CACNA2D3: variants seen among roughly 807,000 people sequenced by gnomAD.
CACNA2D3 encodes the protein calcium voltage-gated channel auxiliary subunit alpha2delta 3.
In CACNA2D3, 60 loss-of-function variants were observed where a neutral mutation model predicts 160.6. That is an observed-to-expected ratio of 0.37 (90% CI 0.30 to 0.46). CACNA2D3 has a LOEUF of 0.46. CACNA2D3 is among the 20% of genes least tolerant of loss of function. The probability of loss-of-function intolerance (pLI) is 1.00; values close to 1 mark genes in which losing one functional copy is unlikely to be tolerated. For missense variants in CACNA2D3, 1,205 were observed against 1,365.0 expected (o/e 0.88, Z 1.85); for synonymous variants, 558 against 492.9 (o/e 1.13, Z -1.75).
At chr3:54,599,206 C>T (rs1703018222) in intron 9 of CACNA2D3, among the ~76,000 whole-genome samples, 2 of 152,142 alleles carry the variant, frequency 1.3e-5, no homozygotes, top group South Asian at 2.1e-4. Flanking sequence ...CCTGACTTTC[C>T]ACAGCCTCAT....
Position 54,642,249 on chromosome 3 carries a change from G to C in CACNA2D3, c.1167+8G>C. 1 of 1,563,732 alleles carries C rather than the reference G, an allele frequency of 6.4e-7. No individual in the cohort carries two copies. Among genetic ancestry groups the C allele is most frequent in the Non-Finnish European group, 8.8e-7 (1 of 1,138,288 alleles). On this transcript the variant is annotated splice_region_variant and intron_variant, in intron 11 of 37. Coordinates refer to ENST00000474759, the MANE Select transcript of CACNA2D3 (RefSeq NM_018398.3). Reference sequence around the variant, plus strand: ...AATTGGCCAGATCGAAAGGTAAGTTGATGCTGATCCCGTCTGTGCGGTGGA... The same window carrying C: ...AATTGGCCAGATCGAAAGGTAAGTTCATGCTGATCCCGTCTGTGCGGTGGA...
Position 54,678,720 on chromosome 3 carries a change from C to CAAAAAAAAAAAAAAAAAA in CACNA2D3, c.1167+36491_1167+36508dup, listed in dbSNP as rs71096434. 3.5e-4 allele frequency among the ~76,000 whole-genome samples: 16 copies of CAAAAAAAAAAAAAAAAAA among 45,918 alleles called. 3 individuals carry two copies. Among genetic ancestry groups the CAAAAAAAAAAAAAAAAAA allele is most frequent in the Non-Finnish European group, 3.9e-4 (11 of 28,278 alleles). The allele number at this position is 45,918 out of a possible 152,430, so 30.1% of individuals were successfully genotyped here. A position where few individuals can be genotyped will look rare whatever the true frequency, so the allele number is the denominator to read the frequency against. Reference sequence around the variant, plus strand: ...TGGGTGACAGAGTGAGACTCGGTCTCAAAAAAAAAAAAAAAAAAAAAAAAA... The same window carrying CAAAAAAAAAAAAAAAAAA: ...TGGGTGACAGAGTGAGACTCGGTCTCAAAAAAAAAAAAAAAAAAAAAAAAAAAAAAAAAAAAAAAAAAA... On this transcript the variant is annotated intron_variant, in intron 11 of 37. Transcript: ENST00000474759.
At position 54,587,989 on chromosome 3, in the gene CACNA2D3, G is replaced by A. The variant is rs112283693; in HGVS notation, c.963+6112G>A. Reference sequence around the variant, plus strand: ...CCCCAGCTCATTTTATAAGGCTAGCGTTTCCCTGACAAACCAAAGACAGTG... The same window carrying A: ...CCCCAGCTCATTTTATAAGGCTAGCATTTCCCTGACAAACCAAAGACAGTG... On this transcript the variant is annotated intron_variant, in intron 9 of 37. Coordinates refer to ENST00000474759, the MANE Select transcript of CACNA2D3 (RefSeq NM_018398.3). Among the ~76,000 whole-genome samples, 179 of 152,276 alleles carry A rather than the reference G, an allele frequency of 1.2e-3. 1 individual carries two copies. Among genetic ancestry groups the A allele is most frequent in the African/African-American group, 3.6e-3 (151 of 41,566 alleles).
chr3:54,228,742 G>A (rs1214656498), intron 2 of CACNA2D3, among the ~76,000 whole-genome samples: 1 of 152,222 alleles, frequency 6.6e-6, no homozygotes, highest in Non-Finnish European at 1.5e-5. Context: ...AATAGCCTCA[G>A]TCTGAATTGG....
intron 35 of CACNA2D3, among the ~76,000 whole-genome samples, chr3:55,036,874 T>A (rs1344634856): frequency 6.6e-6 from 1 of 152,146 alleles, no homozygotes; most frequent in African/African-American, 2.4e-5. Context: ...TAGCAGTAGT[T>A]CCTAAACACA....
Position 54,274,215 on chromosome 3 carries a change from C to CATATATATATATAT in CACNA2D3, c.205-46225_205-46212dup, listed in dbSNP as rs148715563. On this transcript the variant is annotated intron_variant, in intron 2 of 37. Coordinates refer to ENST00000474759, the MANE Select transcript of CACNA2D3 (RefSeq NM_018398.3). ...CTACATTTGTAGAATGATTTCTATG[C>CATATATATATATAT]ATATATATATATATAAGAAATACGG... is the stretch of plus-strand genomic sequence containing the variant. Among the ~76,000 whole-genome samples the CATATATATATATAT allele has an allele frequency of 4.7e-3, 698 of 149,964 alleles. 5 individuals are homozygous for CATATATATATATAT. The highest frequency in any genetic ancestry group is 0.019 in the South Asian group (87 of 4,694).
At chr3:54,605,610 A>G (rs1350845523) in intron 9 of CACNA2D3, among the ~76,000 whole-genome samples, 1 of 152,016 alleles carries the variant, frequency 6.6e-6, no homozygotes, top group African/African-American at 2.4e-5. Flanking sequence ...ACGCTATTTT[A>G]CCTTAAATAT....
intron 13 of CACNA2D3, among the ~76,000 whole-genome samples, chr3:54,785,730 T>G (rs1702628008): frequency 6.6e-6 from 1 of 152,188 alleles, no homozygotes; most frequent in South Asian, 2.1e-4. Flanking sequence ...ACAGCCTTGG[T>G]TGGTACCAAA....
At chr3:54,771,685 C>G (rs1417959408) in intron 13 of CACNA2D3, among the ~76,000 whole-genome samples, 1 of 152,184 alleles carries the variant, frequency 6.6e-6, no homozygotes, top group Non-Finnish European at 1.5e-5. Context: ...TTAAAAGCTT[C>G]TTCCATTAAG....
intron 17 of CACNA2D3, among the ~76,000 whole-genome samples, chr3:54,854,244 A>T (rs1284840650): frequency 6.6e-6 from 1 of 152,182 alleles, no homozygotes; most frequent in East Asian, 1.9e-4. Context: ...TTGGAAATAC[A>T]TCATTTGGTT....
chr3:54,648,203 T>G (rs1699690647), intron 11 of CACNA2D3, among the ~76,000 whole-genome samples: 1 of 152,248 alleles, frequency 6.6e-6, no homozygotes, highest in Non-Finnish European at 1.5e-5. Flanking sequence ...TGCCTGCTTT[T>G]GCAGCTTATG....
chr3:54,330,837 G>T (rs1704232217), intron 3 of CACNA2D3, among the ~76,000 whole-genome samples: 1 of 152,212 alleles, frequency 6.6e-6, no homozygotes, highest in Non-Finnish European at 1.5e-5. Context: ...TTGATGTGCT[G>T]GGAGTCTGTC....
intron 3 of CACNA2D3, among the ~76,000 whole-genome samples, chr3:54,358,483 C>A (rs1402945586): frequency 6.6e-6 from 1 of 152,154 alleles, no homozygotes; most frequent in Admixed American, 6.5e-5. Flanking sequence ...GTCTCCATGC[C>A]CAGGTTTCAT....
intron 11 of CACNA2D3, among the ~76,000 whole-genome samples, chr3:54,671,760 T>C (rs1700167835): frequency 6.6e-6 from 1 of 152,158 alleles, no homozygotes; most frequent in South Asian, 2.1e-4. Flanking sequence ...CCTGGAAATG[T>C]AGACTTAAAG....
chr3:54,429,039 A>G (rs1451703960), intron 4 of CACNA2D3, among the ~76,000 whole-genome samples: 1 of 152,190 alleles, frequency 6.6e-6, no homozygotes, highest in Non-Finnish European at 1.5e-5. Flanking sequence ...GGTGGGATGT[A>G]CCTGGAGGAA....
At chr3:54,405,350 C>G (rs1699556122) in intron 4 of CACNA2D3, among the ~76,000 whole-genome samples, 1 of 146,442 alleles carries the variant, frequency 6.8e-6, no homozygotes, top group Non-Finnish European at 1.5e-5. Context: ...ATCAAAACAA[C>G]ATGTTACTGG....
At chr3:55,006,496 A>G (rs1384754524) in intron 32 of CACNA2D3, among the ~76,000 whole-genome samples, 3 of 152,206 alleles carry the variant, frequency 2.0e-5, no homozygotes, top group African/African-American at 7.2e-5. Context: ...ATTATTTTTC[A>G]AGCCGTAAAA....
intron 27 of CACNA2D3, among the ~76,000 whole-genome samples, chr3:54,963,035 A>T (rs1472241706): frequency 6.6e-6 from 1 of 152,228 alleles, no homozygotes; most frequent in East Asian, 1.9e-4. Context: ...TATGAGATGC[A>T]TGCATGATTT....
At chr3:54,326,884 T>C (rs983565842) in intron 3 of CACNA2D3, among the ~76,000 whole-genome samples, 1 of 152,222 alleles carries the variant, frequency 6.6e-6, no homozygotes, top group African/African-American at 2.4e-5. Flanking sequence ...CTGTTTTGAG[T>C]CACAGATAGA....
Sources: gnomAD v4.1 joint callset for allele counts (sites outside exome capture counted in the v4.1 genomes callset) on GRCh38, gnomAD v4.1.1 for gene constraint, MANE v1.5 for transcripts, NCBI Gene and HGNC (gene_info 2026-07-23, HGNC 2026-07-21) for gene names.